Variants in GSTCD observed in about 807,000 individuals in gnomAD.
The protein encoded by GSTCD is glutathione S-transferase C-terminal domain-containing protein.
Under a neutral mutation model 68.3 loss-of-function variants are expected in GSTCD, and 44 were observed. The observed-to-expected ratio is 0.64, with a 90% confidence interval of 0.51 to 0.83. The LOEUF is 0.83. Among genes scored for constraint, GSTCD ranks in the 40% least tolerant of loss-of-function variants. The pLI is 0.00. For synonymous variants in GSTCD, 273 were observed against 255.2 expected, an observed-to-expected ratio of 1.07 and a Z score of -0.67; for missense variants, 739 against 735.9, an observed-to-expected ratio of 1.00 and a Z score of -0.05.
intron 5 of GSTCD, among the ~76,000 whole-genome samples, chr4:105,812,750 A>G (rs1287147293): frequency 6.6e-6 from 1 of 152,132 alleles, no homozygotes; most frequent in Non-Finnish European, 1.5e-5. Flanking sequence ...AATATACTTT[A>G]GCATGTCTCT....
intron 5 of GSTCD, among the ~76,000 whole-genome samples, chr4:105,799,467 T>G (rs936398550): frequency 2.0e-5 from 3 of 152,152 alleles, no homozygotes; most frequent in African/African-American, 7.2e-5. Flanking sequence ...ATTGAACACT[T>G]AGGGTCATTG....
In GSTCD at chr4:105,776,273, C is replaced by A. The variant is rs184172291; in HGVS notation, c.1241-46681C>A. Among the ~76,000 whole-genome samples, 9 of 152,286 alleles carry A rather than the reference C, an allele frequency of 5.9e-5. No individual in the cohort carries two copies. The East Asian group carries it at 1.7e-3, about 29-fold the overall frequency. Reference sequence around the variant, plus strand: ...AGTCAGTGGATCTTAGCTTGCTGGGCTCTGTGGGGGTGGAATCTGCTGAGC... The same window carrying A: ...AGTCAGTGGATCTTAGCTTGCTGGGATCTGTGGGGGTGGAATCTGCTGAGC... On this transcript the variant is annotated intron_variant, in intron 5 of 11. Transcript: ENST00000515279.
chr4:105,834,446 G>A lies in GSTCD; in HGVS notation c.1531-15G>A. 1 of 1,612,032 alleles carries A rather than the reference G, an allele frequency of 6.2e-7. No homozygotes were observed. Among genetic ancestry groups the A allele is most frequent in the Non-Finnish European group, 8.5e-7 (1 of 1,178,878 alleles). On this transcript the variant is annotated splice_polypyrimidine_tract_variant and intron_variant, in intron 8 of 11. Transcript: ENST00000515279. ...AAGAGGGAACTTAGTGCTAAGGCCT[G>A]GTTTTATTTTGTAGGTAGCATTGCA...
chr4:105,729,238 A>G (rs1017121236), intron 4 of GSTCD, among the ~76,000 whole-genome samples, 168 bp from the exon 5 acceptor site: 3 of 152,182 alleles, frequency 2.0e-5, no homozygotes. Flanking sequence ...AAAATACTCA[A>G]CACATGGTAT....
intron 11 of GSTCD, among the ~76,000 whole-genome samples, chr4:105,843,184 A>G (rs1253197481): frequency 1.3e-5 from 2 of 152,226 alleles, no homozygotes; most frequent in African/African-American, 2.4e-5. Context: ...CAAAGGCAGC[A>G]TAGCAAGATG....
At position 105,717,835 on chromosome 4, in the gene GSTCD, G is replaced by C. The variant is rs780940333; in HGVS notation, c.222G>C (p.Gln74His). The C allele has an allele frequency of 5.0e-6, 8 of 1,613,582 alleles. No homozygotes were observed. In the Admixed American group the frequency reaches 5.0e-5, roughly 10 times the overall value. ...RDDLIQDVEI[Q>H]IISRQELPPI... ...ACCTGATCCAGGATGTTGAAATACA[G>C]ATTATTTCAAGGCAGGAGCTCCCAC... The change falls in exon 2 of 12, where the codon CAG becomes CAC. Residue 74 changes from glutamine to histidine, a missense_variant. By Grantham distance (24) the Gln-to-His change is conservative. Transcript: ENST00000515279.
At chr4:105,784,641 A>G (rs1438567906) in intron 5 of GSTCD, among the ~76,000 whole-genome samples, 1 of 152,260 alleles carries the variant, frequency 6.6e-6, no homozygotes, top group Admixed American at 6.5e-5. Flanking sequence ...TCTAGCACCC[A>G]TAATTTATTC....
intron 5 of GSTCD, among the ~76,000 whole-genome samples, chr4:105,779,720 C>T (rs183461932): frequency 6.2e-4 from 95 of 152,216 alleles, no homozygotes; most frequent in Admixed American, 2.0e-3. Context: ...TTGACAGGTA[C>T]AAATAAAGAG....
chr4:105,710,591 A>G (rs1383594414), intron 1 of GSTCD, among the ~76,000 whole-genome samples: 1 of 152,068 alleles, frequency 6.6e-6, no homozygotes, highest in Non-Finnish European at 1.5e-5. Flanking sequence ...TGATTTTTAA[A>G]TAAAAATAAA....
intron 5 of GSTCD, among the ~76,000 whole-genome samples, chr4:105,793,111 A>C (rs1735737584): frequency 6.6e-6 from 1 of 152,060 alleles, no homozygotes; most frequent in African/African-American, 2.4e-5. Flanking sequence ...ACTGAATTGC[A>C]TTACATTTGA....
intron 5 of GSTCD, among the ~76,000 whole-genome samples, chr4:105,807,715 G>T (rs532873711): frequency 6.6e-6 from 1 of 152,188 alleles, no homozygotes; most frequent in African/African-American, 2.4e-5. Flanking sequence ...ACAGCAGGGA[G>T]CACATGGTAT....
chr4:105,781,345 C>T (rs962046834), intron 5 of GSTCD, among the ~76,000 whole-genome samples: 1 of 151,714 alleles, frequency 6.6e-6, no homozygotes, highest in Non-Finnish European at 1.5e-5. Flanking sequence ...AACTCCTGAG[C>T]TAAAGGGATC....
At chr4:105,791,643 T>G (rs1352436199) in intron 5 of GSTCD, among the ~76,000 whole-genome samples, 7 of 152,090 alleles carry the variant, frequency 4.6e-5, no homozygotes, top group Non-Finnish European at 7.3e-5. Flanking sequence ...ATTTTAAAAA[T>G]TGTCTATTTT....
intron 5 of GSTCD, among the ~76,000 whole-genome samples, chr4:105,733,277 T>G (rs1733322867): frequency 6.6e-6 from 1 of 152,198 alleles, no homozygotes; most frequent in South Asian, 2.1e-4. Context: ...TGTCTAATGT[T>G]GACAGTGGGG....
intron 5 of GSTCD, among the ~76,000 whole-genome samples, chr4:105,784,329 G>A (rs1267543958): frequency 2.0e-5 from 3 of 152,194 alleles, no homozygotes; most frequent in East Asian, 1.9e-4. Context: ...GCAGAATGTG[G>A]AAGGCAGAAG....
intron 5 of GSTCD, among the ~76,000 whole-genome samples, chr4:105,754,265 A>C (rs187691315): frequency 6.6e-6 from 1 of 152,304 alleles, no homozygotes; most frequent in East Asian, 1.9e-4. Flanking sequence ...GCTATGCAAT[A>C]ACAATAGCTC....
chr4:105,726,510 A>C, intron 3 of GSTCD, 69 bp from the exon 4 acceptor site: 1 of 986,858 alleles, frequency 1.0e-6, no homozygotes, highest in Non-Finnish European at 1.5e-6. Context: ...GTGGTTTGTA[A>C]AGTTACCTCA....
At chr4:105,767,887 A>C (rs889054392) in intron 5 of GSTCD, among the ~76,000 whole-genome samples, 2 of 152,054 alleles carry the variant, frequency 1.3e-5, no homozygotes, top group South Asian at 2.1e-4. Context: ...TCTTTCAAAA[A>C]ACAAGCACTT....
At chr4:105,719,035 T>C (rs1313760947) in intron 2 of GSTCD, 25 bp from the exon 3 acceptor site, 1 of 1,509,980 alleles carries the variant, frequency 6.6e-7, no homozygotes, top group African/African-American at 1.4e-5. Context: ...ATCTTTTCAT[T>C]TCTTGTTTTG....
Sources: gnomAD v4.1 joint callset for allele counts (sites outside exome capture counted in the v4.1 genomes callset) on GRCh38, gnomAD v4.1.1 for gene constraint, MANE v1.5 for transcripts, NCBI Gene and HGNC (gene_info 2026-07-23, HGNC 2026-07-21) for gene names.